Variants in CARD14 observed in about 807,000 individuals in gnomAD.
The protein encoded by CARD14 is caspase recruitment domain-containing protein 14.
CARD14 carries 107 observed loss-of-function variants against 111.5 expected under a neutral mutation model. The observed-to-expected ratio is 0.96, with a 90% CI of 0.82 to 1.13. The LOEUF is 1.13. Ranked by LOEUF, CARD14 falls within the 50% of genes most tolerant of loss-of-function variation. CARD14 has a pLI of 0.00. For missense variants in CARD14, 1,322 were observed against 1,362.3 expected (o/e 0.97, Z 0.47); for synonymous variants, 617 against 579.6 (o/e 1.06, Z -0.93).
At chr17:80,200,328 C>CT (rs1349922978) in intron 16 of CARD14, among the ~76,000 whole-genome samples, 2 of 150,634 alleles carry the variant, frequency 1.3e-5, no homozygotes, top group African/African-American at 2.5e-5. Flanking sequence ...CCTCCACCCC[C>CT]TGGGTTCAAG....
At chr17:80,173,322 A>ACGCG (rs1299045426) in intron 2 of CARD14, 94 bp downstream of exon 2, 54 of 80,532 alleles carry the variant, frequency 6.7e-4, no homozygotes, top group East Asian at 2.9e-3. Flanking sequence ...ACACACACAC[A>ACGCG]CACGCGCGCG....
In CARD14 at chr17:80,189,677, T is replaced by C; in HGVS notation, c.844-76T>C. ...ACACCTGACCGTGCAGTTGCCGCCA[T>C]CTTCTCGGGATTCTGCTTGCCTAGG... On this transcript the variant is annotated intron_variant, in intron 8 of 23. Coordinates refer to ENST00000648509, the MANE Select transcript of CARD14 (RefSeq NM_001366385.1). This position sits in a 1 kb window ranked among gnomAD's most constrained non-coding sequence, Gnocchi z 4.7. 1 of 1,425,850 alleles carries C rather than the reference T, an allele frequency of 7.0e-7. No homozygotes were observed. The highest frequency in any genetic ancestry group is 1.6e-5 in the South Asian group (1 of 64,276). 88.3% of individuals were successfully genotyped at this position (1,425,850 alleles called of 1,614,324 possible). A position where few individuals can be genotyped will look rare whatever the true frequency, so the allele number is the denominator to read the frequency against.
intron 20 of CARD14, 173 bp from the exon 21 acceptor site, chr17:80,204,862 C>T (rs2041196236): frequency 1.7e-6 from 1 of 590,284 alleles, no homozygotes; most frequent in Non-Finnish European, 2.9e-6. Flanking sequence ...AGCCGCTCAG[C>T]CAGGGGCTAT....
Position 80,195,394 on chromosome 17 carries a change from C to G in CARD14, c.1499+61C>G. 1 of 1,564,330 alleles carries G rather than the reference C, an allele frequency of 6.4e-7. No homozygotes were observed. Among genetic ancestry groups the G allele is most frequent in the Non-Finnish European group, 8.7e-7 (1 of 1,151,146 alleles). ...CACTGGGGTCCTTCCTGGCAACTCA[C>G]CAGAGACACCAACCTAGACCTCAGG... is the stretch of plus-strand genomic sequence containing the variant. On this transcript the variant is annotated intron_variant, in intron 13 of 23. Transcript: ENST00000648509. This position sits in a 1 kb window ranked among gnomAD's most constrained non-coding sequence, Gnocchi z 4.7.
chr17:80,199,789 T>C (rs944562714), intron 16 of CARD14, among the ~76,000 whole-genome samples: 4 of 147,520 alleles, frequency 2.7e-5, no homozygotes, highest in African/African-American at 1.0e-4. Context: ...GGCAGGAGAA[T>C]CACTTGAACC....
intron 10 of CARD14, 140 bp from the exon 11 acceptor site, chr17:80,191,183 G>A (rs1255987272): frequency 8.2e-6 from 9 of 1,100,940 alleles, no homozygotes; most frequent in Non-Finnish European, 1.2e-5. Context: ...GAATTGAAAT[G>A]AATCTTAAGT....
At position 80,195,814 on chromosome 17, in the gene CARD14, G is replaced by T; in HGVS notation, c.1594+162G>T. ...CCTTGGCCTCGACCTTGCACTTTGG[G>T]AAAGTCCCGCCTGCCAGCCAGCGTA... On this transcript the variant is annotated intron_variant, in intron 14 of 23. Transcript: ENST00000648509. The surrounding 1 kb of genome is among the most constrained non-coding windows in gnomAD (Gnocchi z 4.7). 1.6e-6 allele frequency: 1 copy of T among 625,846 alleles called. No individual in the cohort carries two copies. Among genetic ancestry groups the T allele is most frequent in the East Asian group, 2.9e-5 (1 of 34,878 alleles). The allele number at this position is 625,846 out of a possible 1,614,324, so 38.8% of individuals were successfully genotyped here. A position where few individuals can be genotyped will look rare whatever the true frequency, so the allele number is the denominator to read the frequency against.
chr17:80,195,634 G>C lies in CARD14; in HGVS notation c.1576G>C (p.Glu526Gln). Residue 526 changes from glutamate (E) to glutamine (Q), a missense_variant, in exon 14 of 24, where the codon GAG (glutamate) becomes CAG (glutamine). Coordinates refer to ENST00000648509, the MANE Select transcript of CARD14 (RefSeq NM_001366385.1). The surrounding 1 kb of genome is among the most constrained non-coding windows in gnomAD (Gnocchi z 4.7). ...AKAGDPHLDY[E>Q]LLDTADLPQL... ...GGCAGGCGACCCACACCTGGATTAT[G>C]AGCTCCTAGACACGGCAGGTGAGCA... 1 of 1,613,472 alleles carries C rather than the reference G, an allele frequency of 6.2e-7. No individual in the cohort carries two copies. The highest frequency in any genetic ancestry group is 8.5e-7 in the Non-Finnish European group (1 of 1,179,838).
rs550086233 is a variant in CARD14 at position 80,190,352 on chromosome 17, C to T, written c.964-422C>T. 7.2e-5 allele frequency among the ~76,000 whole-genome samples: 11 copies of T among 152,280 alleles called. No homozygotes were observed. In the East Asian group the frequency reaches 9.6e-4, roughly 13 times the overall value. ...GAGCGAGGCCGGGCGCGGTGGCCCA[C>T]GCATGTAGTCAGCACTTTGGAAGGC... On this transcript the variant is annotated intron_variant, in intron 9 of 23. Transcript: ENST00000648509.
chr17:80,188,907 C>T lies in CARD14; in HGVS notation c.843+363C>T, dbSNP rs147154964. On this transcript the variant is annotated intron_variant, in intron 8 of 23. Transcript: ENST00000648509. This position sits in a 1 kb window ranked among gnomAD's most constrained non-coding sequence, Gnocchi z 4.5. ...CTCTACAAAAAATACAAAAAGTAGCCGGGCATGGTGGTGCACACCTGTGGT... is the reference window on the plus strand; with the variant it reads ...CTCTACAAAAAATACAAAAAGTAGCTGGGCATGGTGGTGCACACCTGTGGT... 3.4e-3 allele frequency: 530 copies of T among 157,156 alleles called. 2 individuals are homozygous for T. Among genetic ancestry groups the T allele is most frequent in the African/African-American group, 0.011 (473 of 41,636 alleles). The allele number at this position is 157,156 out of a possible 1,614,324, so 9.7% of individuals were successfully genotyped here. A position where few individuals can be genotyped will look rare whatever the true frequency, so the allele number is the denominator to read the frequency against.
chr17:80,195,404 C>G lies in CARD14; in HGVS notation c.1499+71C>G, dbSNP rs1483551096. ...CTTCCTGGCAACTCACCAGAGACAC[C>G]AACCTAGACCTCAGGGCATCTGGGT... On this transcript the variant is annotated intron_variant, in intron 13 of 23. Transcript: ENST00000648509. This position sits in a 1 kb window ranked among gnomAD's most constrained non-coding sequence, Gnocchi z 4.7. 1.3e-6 allele frequency: 2 copies of G among 1,547,464 alleles called. No individual in the cohort carries two copies. The highest frequency in any genetic ancestry group is 2.7e-5 in the African/African-American group (2 of 73,768).
rs1388649577 is a variant in CARD14, at chr17:80,189,584, C to T, written c.844-169C>T. On this transcript the variant is annotated intron_variant, in intron 8 of 23. Coordinates refer to ENST00000648509, the MANE Select transcript of CARD14 (RefSeq NM_001366385.1). This position sits in a 1 kb window ranked among gnomAD's most constrained non-coding sequence, Gnocchi z 4.7. ...GCCATGAATCTGCACTTTTCCCAGG[C>T]ATGATGGGTGGCTTTTCCGTGGCTT... Among the ~76,000 whole-genome samples the T allele has an allele frequency of 1.3e-5, 2 of 152,190 alleles. No individual in the cohort carries two copies. The highest frequency in any genetic ancestry group is 1.3e-4 in the Admixed American group (2 of 15,270).
chr17:80,206,274 G>T (rs2041298081), intron 22 of CARD14, among the ~76,000 whole-genome samples: 1 of 112,996 alleles, frequency 8.8e-6, no homozygotes, highest in Non-Finnish European at 2.1e-5. Context: ...AGACCAGCCT[G>T]AGCAACACAG....
intron 2 of CARD14, among the ~76,000 whole-genome samples, chr17:80,175,955 T>C (rs1400313493): frequency 4.5e-3 from 51 of 11,344 alleles, no homozygotes; most frequent in African/African-American, 0.019. Flanking sequence ...TCGGATCGTT[T>C]TTTTTTTTTT....
intron 1 of CARD14, chr17:80,170,671 C>T (rs1203909508): frequency 6.6e-6 from 1 of 152,112 alleles, no homozygotes; most frequent in African/African-American, 2.4e-5. Flanking sequence ...TAAGGAGAAC[C>T]CACATCTTAG....
chr17:80,198,456 G>A lies in CARD14; in HGVS notation c.1716G>A (p.Leu572=). The change falls in exon 16 of 24, where the codon CTG becomes CTA. Residue 572 remains leucine, a synonymous_variant. Transcript: ENST00000648509. The surrounding 1 kb of genome is among the most constrained non-coding windows in gnomAD (Gnocchi z 7.5). The part of the protein sequence containing the change: ...ARRILSQVTM[L]AFQGDALLEQ... The stretch of plus-strand genomic sequence containing the variant: ...GGATCCTGAGCCAGGTCACCATGCT[G>A]GCGTTCCAGGGGGATGCATTGCTGG... 6.2e-7 allele frequency: 1 copy of A among 1,612,298 alleles called. No individual in the cohort carries two copies. Among genetic ancestry groups the A allele is most frequent in the South Asian group, 1.1e-5 (1 of 90,996 alleles).
chr17:80,200,393 C>T (rs947877814), intron 16 of CARD14, among the ~76,000 whole-genome samples: 1 of 151,846 alleles, frequency 6.6e-6, no homozygotes, highest in South Asian at 2.1e-4. Context: ...CCCGCCACCA[C>T]ACCCGGCTAA....
At chr17:80,185,343 G>A (rs1025839046) in intron 7 of CARD14, among the ~76,000 whole-genome samples, 24 of 152,208 alleles carry the variant, frequency 1.6e-4, no homozygotes, top group African/African-American at 4.6e-4. Flanking sequence ...GAGCCCCTGC[G>A]CTGGCCAGCG....
Position 80,195,372 on chromosome 17 carries a change from TG to T in CARD14, c.1499+43del. 6.3e-7 allele frequency: 1 copy of T among 1,585,260 alleles called. No homozygotes were observed. Among genetic ancestry groups the T allele is most frequent in the East Asian group, 2.3e-5 (1 of 44,270 alleles). On this transcript the variant is annotated intron_variant, in intron 13 of 23. Coordinates refer to ENST00000648509, the MANE Select transcript of CARD14 (RefSeq NM_001366385.1). This position sits in a 1 kb window ranked among gnomAD's most constrained non-coding sequence, Gnocchi z 4.7. Reference sequence around the variant, plus strand: ...GTCCTTCCTGGCACTGGGGTGGCACTGGGGTCCTTCCTGGCAACTCACCAGA... The same window carrying T: ...GTCCTTCCTGGCACTGGGGTGGCACTGGGTCCTTCCTGGCAACTCACCAGA...
Sources: gnomAD v4.1 joint callset for allele counts (sites outside exome capture counted in the v4.1 genomes callset) on GRCh38, gnomAD v4.1.1 for gene constraint, Gnocchi (gnomAD v3.1) non-coding constraint, MANE v1.5 for transcripts, NCBI Gene and HGNC (gene_info 2026-07-23, HGNC 2026-07-21) for gene names.